The following CEP57L1 variants were observed in gnomAD, a reference collection of about 807,000 sequenced individuals.
CEP57L1 encodes the protein centrosomal protein 57 like 1.
Under a neutral mutation model 61.0 loss-of-function variants are expected in CEP57L1, and 37 were observed. The observed-to-expected ratio is 0.61, with a 90% CI of 0.47 to 0.80. CEP57L1 has a LOEUF of 0.80. Ranked by LOEUF, CEP57L1 falls within the 30% of genes least tolerant of loss-of-function variation. CEP57L1 has a pLI of 0.00. For synonymous variants in CEP57L1, 137 were observed against 162.3 expected (o/e 0.84, Z 1.19); for missense variants, 422 against 524.7 (o/e 0.80, Z 1.91).
chr6:109,098,944 A>G (rs75861829), intron 1 of CEP57L1, among the ~76,000 whole-genome samples: 2,694 of 152,324 alleles, frequency 0.018, 78 homozygotes, highest in African/African-American at 0.062. Context: ...TTGCTGACAG[A>G]TTGTGTGAGA....
Position 109,170,643 on chromosome 6 carries a change from T to G in CEP57L1, c.*7673T>G, listed in dbSNP as rs575510018. On this transcript the variant is annotated 3_prime_UTR_variant, in exon 11 of 11. Coordinates refer to ENST00000517392, the MANE Select transcript of CEP57L1 (RefSeq NM_001271852.3). ...TTATTTAAAACATAAACCATTTTGG[T>G]GCACAGGAAACCCACTTAAAATTAA... Among the ~76,000 whole-genome samples, 1 of 152,342 alleles carries G rather than the reference T, an allele frequency of 6.6e-6. No individual in the cohort carries two copies. Among genetic ancestry groups the G allele is most frequent in the East Asian group, 1.9e-4 (1 of 5,190 alleles).
chr6:109,118,276 G>A (rs1198698007), intron 1 of CEP57L1, among the ~76,000 whole-genome samples: 1 of 152,168 alleles, frequency 6.6e-6, no homozygotes, highest in Admixed American at 6.5e-5. Context: ...ATCTCAGGTA[G>A]TCCACCTGCC....
chr6:109,106,715 G>A (rs1229611673), intron 1 of CEP57L1, among the ~76,000 whole-genome samples: 1 of 152,048 alleles, frequency 6.6e-6, no homozygotes, highest in African/African-American at 2.4e-5. Flanking sequence ...GATCACTTGA[G>A]GTCAGGAGTT....
chr6:109,115,844 A>G lies in CEP57L1; in HGVS notation c.-4+20269A>G, dbSNP rs531137100. 7.9e-5 allele frequency among the ~76,000 whole-genome samples: 12 copies of G among 152,260 alleles called. No homozygotes were observed. In the South Asian group the frequency reaches 1.4e-3, roughly 18 times the overall value. On this transcript the variant is annotated intron_variant, in intron 1 of 10. Transcript: ENST00000517392. ...AATAGCATTCTTTAAGGTTGTTAAGACTAAATTTAGCGTGTAAAAGCTTGT... is the reference window on the plus strand; with the variant it reads ...AATAGCATTCTTTAAGGTTGTTAAGGCTAAATTTAGCGTGTAAAAGCTTGT...
At chr6:109,104,705 T>A (rs1367006110) in intron 1 of CEP57L1, among the ~76,000 whole-genome samples, 1 of 151,968 alleles carries the variant, frequency 6.6e-6, no homozygotes, top group African/African-American at 2.4e-5. Context: ...ACCTCTGCCC[T>A]ACAAGTAGCT....
intron 1 of CEP57L1, among the ~76,000 whole-genome samples, chr6:109,142,002 G>A (rs898854659): frequency 1.3e-5 from 2 of 152,238 alleles, no homozygotes; most frequent in Admixed American, 6.5e-5. Flanking sequence ...GCAGTCCTAT[G>A]GAATAAGTGT....
In CEP57L1 at chr6:109,147,700, G is replaced by T. The variant is rs116168158; in HGVS notation, c.340+763G>T. On this transcript the variant is annotated intron_variant, in intron 3 of 10. Transcript: ENST00000517392. ...TTTCTGCTGTGGAATTAACTGTTCT[G>T]CCAGCAGTCAAGAACAGGGGAAAAT... Among the ~76,000 whole-genome samples, 1,203 of 152,276 alleles carry T rather than the reference G, an allele frequency of 7.9e-3. 20 individuals carry two copies. Among genetic ancestry groups the T allele is most frequent in the African/African-American group, 0.028 (1,156 of 41,562 alleles).
intron 1 of CEP57L1, chr6:109,140,769 T>C (rs997619521): frequency 1.3e-5 from 2 of 152,018 alleles, no homozygotes; most frequent in Non-Finnish European, 2.9e-5. Context: ...AAACATAGAA[T>C]ATCTTACCTA....
chr6:109,130,106 C>T (rs1206741301), intron 1 of CEP57L1, among the ~76,000 whole-genome samples: 1 of 152,084 alleles, frequency 6.6e-6, no homozygotes, highest in Non-Finnish European at 1.5e-5. Context: ...CCAAGCCCAT[C>T]GAATCAAAGA....
rs535578410 is a variant in CEP57L1, at chr6:109,119,617, A to G, written c.-4+24042A>G. Among the ~76,000 whole-genome samples the G allele has an allele frequency of 2.6e-5, 4 of 152,356 alleles. No homozygotes were observed. In the South Asian group the frequency reaches 8.3e-4, roughly 32 times the overall value. On this transcript the variant is annotated intron_variant, in intron 1 of 10. Transcript: ENST00000517392. ...ATGAACTCTGTTAAAATGCAGAGAA[A>G]TGGTAGTCAGTACTTGACAAAAAAA...
intron 1 of CEP57L1, chr6:109,130,887 T>G (rs1432035561): frequency 1.3e-5 from 2 of 152,134 alleles, no homozygotes; most frequent in Non-Finnish European, 2.9e-5. Flanking sequence ...CTTTCTACTA[T>G]AAAGTTACTA....
intron 10 of CEP57L1, among the ~76,000 whole-genome samples, chr6:109,162,436 C>T (rs1421990115): frequency 6.6e-6 from 1 of 152,056 alleles, no homozygotes. Flanking sequence ...GGCCTTCTTA[C>T]ATATACACTT....
chr6:109,095,180 C>T (rs985345530), upstream of CEP57L1: 3 of 985,556 alleles, frequency 3.0e-6, no homozygotes, highest in South Asian at 4.7e-5. Context: ...CCCGGAGGCG[C>T]TAAGCTTGCG....
chr6:109,170,393 G>T lies in CEP57L1; in HGVS notation c.*7423G>T, dbSNP rs76788498. Among the ~76,000 whole-genome samples the T allele has an allele frequency of 0.017, 2,628 of 152,100 alleles. 36 individuals carry two copies. The highest frequency in any genetic ancestry group is 0.059 in the South Asian group (282 of 4,808). ...GATAGGTTCTAAAAAACCTTGAGAG[G>T]CATTTTGTTGTTGTTGTTGTTGTTG... On this transcript the variant is annotated 3_prime_UTR_variant, in exon 11 of 11. Transcript: ENST00000517392.
intron 1 of CEP57L1, among the ~76,000 whole-genome samples, chr6:109,139,401 C>T (rs1161384540): frequency 6.6e-6 from 1 of 152,154 alleles, no homozygotes; most frequent in Non-Finnish European, 1.5e-5. Flanking sequence ...CCTCCTGGGT[C>T]AAACAATTGT....
chr6:109,104,313 TA>T (rs111652924), intron 1 of CEP57L1, among the ~76,000 whole-genome samples: 19,180 of 151,472 alleles, frequency 0.13, 1,315 homozygotes, highest in Middle Eastern at 0.22. Context: ...TATATTTATT[TA>T]AAAAAAAAAT....
intron 5 of CEP57L1, 30 bp downstream of exon 5, chr6:109,153,979 G>A (rs1385872289): frequency 1.8e-6 from 2 of 1,131,438 alleles, no homozygotes; most frequent in Non-Finnish European, 1.3e-6. Flanking sequence ...ATGACAACAG[G>A]AATGAATCTT....
intron 1 of CEP57L1, among the ~76,000 whole-genome samples, chr6:109,101,238 A>C (rs954072356): frequency 4.6e-5 from 7 of 152,248 alleles, no homozygotes; most frequent in Non-Finnish European, 1.5e-5. Context: ...TAATTAGGGA[A>C]CAGATATTGA....
At position 109,159,337 on chromosome 6, in the gene CEP57L1, C is replaced by A. The variant is rs1294693295; in HGVS notation, c.891C>A (p.Pro297=). The A allele has an allele frequency of 6.2e-7, 1 of 1,614,020 alleles. No individual in the cohort carries two copies. Among genetic ancestry groups the A allele is most frequent in the Non-Finnish European group, 8.5e-7 (1 of 1,179,914 alleles). Residue 297 remains proline, a synonymous_variant, in exon 9 of 11, where the codon CCC becomes CCA. Coordinates refer to ENST00000517392, the MANE Select transcript of CEP57L1 (RefSeq NM_001271852.3). The stretch of plus-strand genomic sequence containing the variant: ...ACGTGACTGAGACTAGATGTCTCCC[C>A]AAGCCTTCTAGAACAACTTCCTGGT... ...PFNVTETRCL[P]KPSRTTSWCK... is the part of the protein sequence containing the mutation.
Sources: gnomAD v4.1 joint callset for allele counts (sites outside exome capture counted in the v4.1 genomes callset) on GRCh38, gnomAD v4.1.1 for gene constraint, MANE v1.5 for transcripts, NCBI Gene and HGNC (gene_info 2026-07-23, HGNC 2026-07-21) for gene names.